The following NCKAP5 variants were observed in gnomAD, a reference collection of about 807,000 sequenced individuals.
The protein encoded by NCKAP5 is NCK associated protein 5, also known as nck-associated protein 5.
In NCKAP5, 92 loss-of-function variants were observed where a neutral mutation model predicts 167.0. The ratio of observed to expected loss-of-function variants is 0.55; its 90% CI spans 0.47 to 0.66. NCKAP5 has a LOEUF of 0.66. Among genes scored for constraint, NCKAP5 ranks in the 30% least tolerant of loss-of-function variants. The pLI is 0.00. For synonymous variants in NCKAP5, 891 were observed against 877.4 expected, an observed-to-expected ratio of 1.02 and a Z score of -0.27; for missense variants, 2,378 against 2,315.0, an observed-to-expected ratio of 1.03 and a Z score of -0.56.
chr2:133,161,829 A>T (rs2083806315), intron 5 of NCKAP5, among the ~76,000 whole-genome samples: 1 of 152,222 alleles, frequency 6.6e-6, no homozygotes, highest in African/African-American at 2.4e-5. Context: ...CCAGAAAGAC[A>T]TGAGGTATAT....
intron 3 of NCKAP5, among the ~76,000 whole-genome samples, chr2:133,464,954 C>T (rs200990629): frequency 6.6e-6 from 1 of 151,540 alleles, no homozygotes; most frequent in Non-Finnish European, 1.5e-5. Flanking sequence ...TTGAGAAGAT[C>T]ACATGATTTA....
the NCKAP5 span, among the ~76,000 whole-genome samples, chr2:133,599,332 G>A: frequency 5.9e-5 from 9 of 152,220 alleles, no homozygotes; most frequent in Non-Finnish European, 8.8e-5. Context: ...GGAAGAGTAC[G>A]GAGATCAGAT....
chr2:132,703,590 T>C lies in NCKAP5; in HGVS notation c.5713+22037A>G, dbSNP rs141574336. Among the ~76,000 whole-genome samples, 730 of 152,296 alleles carry C rather than the reference T, an allele frequency of 4.8e-3. 4 individuals carry two copies. The highest frequency in any genetic ancestry group is 0.017 in the African/African-American group (696 of 41,578). On this transcript the variant is annotated intron_variant, in intron 19 of 19. Coordinates refer to ENST00000409261, the MANE Select transcript of NCKAP5 (RefSeq NM_207363.3). Reference sequence around the variant, plus strand: ...GATTTTCCTCTATGGTCCATTGCGATGGCTGACGTTGAAGACTTGGAGTTG... The same window carrying C: ...GATTTTCCTCTATGGTCCATTGCGACGGCTGACGTTGAAGACTTGGAGTTG...
intron 6 of NCKAP5, among the ~76,000 whole-genome samples, chr2:133,072,446 T>A (rs1258404043): frequency 6.6e-6 from 1 of 152,064 alleles, no homozygotes; most frequent in Non-Finnish European, 1.5e-5. Flanking sequence ...ATAACAATAT[T>A]TCACTGTGTC....
chr2:133,614,249 G>C, the NCKAP5 span, among the ~76,000 whole-genome samples: 5 of 152,186 alleles, frequency 3.3e-5, no homozygotes, highest in Non-Finnish European at 7.3e-5. Context: ...CCAGGAAATA[G>C]ATTCAGTTCT....
At chr2:133,508,537 T>C (rs1214934594) in intron 3 of NCKAP5, among the ~76,000 whole-genome samples, 2 of 152,220 alleles carry the variant, frequency 1.3e-5, no homozygotes, top group Non-Finnish European at 2.9e-5. Flanking sequence ...AGGTACTCCA[T>C]TCCTGTGCTG....
intron 4 of NCKAP5, among the ~76,000 whole-genome samples, chr2:133,226,385 T>C (rs761033880): frequency 7.9e-5 from 12 of 152,140 alleles, no homozygotes; most frequent in Non-Finnish European, 1.8e-4. Context: ...TTACAGAGCA[T>C]TCAGTCTCAG....
rs564906376 is a variant in NCKAP5, at chr2:132,682,930, G to C, written c.5714-9625C>G. On this transcript the variant is annotated intron_variant, in intron 19 of 19. Coordinates refer to ENST00000409261, the MANE Select transcript of NCKAP5 (RefSeq NM_207363.3). ...GACAGAGTCTCACTCTGTTACCCAGGCTGGAGTGCAGTGATGCGATCTCGG... is the reference window on the plus strand; with the variant it reads ...GACAGAGTCTCACTCTGTTACCCAGCCTGGAGTGCAGTGATGCGATCTCGG... Among the ~76,000 whole-genome samples the C allele has an allele frequency of 6.0e-5, 9 of 150,712 alleles. No homozygotes were observed. In the South Asian group the frequency reaches 1.7e-3, roughly 28 times the overall value.
chr2:133,108,465 A>C (rs550460973), intron 6 of NCKAP5, among the ~76,000 whole-genome samples: 3 of 152,344 alleles, frequency 2.0e-5, no homozygotes, highest in Admixed American at 6.5e-5. Context: ...TCTTCAATCA[A>C]GTTGAATGAA....
At chr2:132,770,392 A>G (rs1312458682) in intron 16 of NCKAP5, among the ~76,000 whole-genome samples, 1 of 148,076 alleles carries the variant, frequency 6.8e-6, no homozygotes, top group Non-Finnish European at 1.5e-5. Flanking sequence ...TATATTATAA[A>G]TTGTATATAT....
At chr2:133,612,469 T>C in the NCKAP5 span, among the ~76,000 whole-genome samples, 1 of 152,226 alleles carries the variant, frequency 6.6e-6, no homozygotes, top group Non-Finnish European at 1.5e-5. Flanking sequence ...TAAAGCATGG[T>C]ACTTCAATAT....
At chr2:133,093,877 A>G (rs769818149) in intron 6 of NCKAP5, among the ~76,000 whole-genome samples, 30 of 152,220 alleles carry the variant, frequency 2.0e-4, no homozygotes, top group Middle Eastern at 6.3e-3. Flanking sequence ...GAGGATGGTT[A>G]TGCCTCACTG....
At chr2:132,978,968 G>A (rs1384298360) in intron 7 of NCKAP5, among the ~76,000 whole-genome samples, 1 of 151,622 alleles carries the variant, frequency 6.6e-6, no homozygotes, top group African/African-American at 2.4e-5. Context: ...AAGCAATTAT[G>A]GTTTGGGCCA....
chr2:133,415,194 C>T (rs1297937748), intron 3 of NCKAP5, among the ~76,000 whole-genome samples: 3 of 152,234 alleles, frequency 2.0e-5, no homozygotes, highest in Admixed American at 6.5e-5. Flanking sequence ...TGTACCATGT[C>T]ATGGCCAAAG....
At chr2:133,647,117 T>A in the NCKAP5 span, among the ~76,000 whole-genome samples, 1 of 152,014 alleles carries the variant, frequency 6.6e-6, no homozygotes, top group Non-Finnish European at 1.5e-5. Flanking sequence ...GCAAGAGGAT[T>A]GCTAAGGCCA....
intron 5 of NCKAP5, among the ~76,000 whole-genome samples, chr2:133,146,600 T>A (rs547107303): frequency 3.9e-5 from 6 of 152,226 alleles, no homozygotes; most frequent in Admixed American, 3.3e-4. Context: ...CCAGTGAGAA[T>A]CCATGGTGAA....
intron 8 of NCKAP5, chr2:132,911,042 C>T (rs1574602137): frequency 5.2e-6 from 1 of 192,424 alleles, no homozygotes; most frequent in East Asian, 1.2e-4. Flanking sequence ...TGACCGACAC[C>T]ACCCATTCGG....
intron 6 of NCKAP5, among the ~76,000 whole-genome samples, chr2:133,084,328 AAGT>A (rs751443505): frequency 9.2e-5 from 14 of 152,174 alleles, no homozygotes; most frequent in Non-Finnish European, 1.8e-4. Context: ...GACATCATAG[AAGT>A]ATTCACCATG....
chr2:133,466,741 G>T (rs1357421600), intron 3 of NCKAP5, among the ~76,000 whole-genome samples: 1 of 152,108 alleles, frequency 6.6e-6, no homozygotes, highest in Non-Finnish European at 1.5e-5. Flanking sequence ...TTGTAAGTTG[G>T]ATTCCTAGGT....
Sources: allele counts gnomAD v4.1 joint callset (sites outside exome capture counted in the v4.1 genomes callset), GRCh38; gene constraint gnomAD v4.1.1; transcripts MANE v1.5; gene names NCBI Gene and HGNC (gene_info 2026-07-23, HGNC 2026-07-21).